GAS2: variants seen among roughly 807,000 people sequenced by gnomAD.
GAS2 encodes the protein growth arrest specific 2, also known as growth arrest-specific protein 2.
A neutral mutation model predicts 37.5 loss-of-function variants in GAS2; 20 were observed. The ratio of observed to expected loss-of-function variants is 0.53; its 90% CI spans 0.37 to 0.77. The LOEUF (loss-of-function observed/expected upper bound fraction) is 0.77. Among genes scored for constraint, GAS2 ranks in the 30% least tolerant of loss-of-function variants. The probability of loss-of-function intolerance (pLI) is 0.00; values close to 1 mark genes in which losing one functional copy is unlikely to be tolerated. For missense variants in GAS2, 336 were observed against 373.4 expected (o/e 0.90, Z 0.82); for synonymous variants, 144 against 132.2 (o/e 1.09, Z -0.61).
At chr11:22,739,628 G>T (rs1473519685) in intron 5 of GAS2, among the ~76,000 whole-genome samples, 1 of 145,848 alleles carries the variant, frequency 6.9e-6, no homozygotes, top group East Asian at 2.0e-4. Flanking sequence ...CAAGGGGTAG[G>T]AAATCAAACT....
intron 2 of GAS2, among the ~76,000 whole-genome samples, chr11:22,677,152 A>G (rs1303321961): frequency 1.3e-5 from 2 of 152,204 alleles, no homozygotes; most frequent in Non-Finnish European, 2.9e-5. Flanking sequence ...ACACTAAAAG[A>G]TACAAGTTGC....
chr11:22,768,003 A>G (rs568581944), intron 7 of GAS2, among the ~76,000 whole-genome samples: 1 of 152,288 alleles, frequency 6.6e-6, no homozygotes, highest in South Asian at 2.1e-4. Context: ...TCCTTCATCT[A>G]AACGGCCAGT....
chr11:22,750,144 G>A (rs1364767979), intron 6 of GAS2, among the ~76,000 whole-genome samples: 1 of 152,066 alleles, frequency 6.6e-6, no homozygotes, highest in African/African-American at 2.4e-5. Context: ...GCATTAGAGT[G>A]ACGTATGTCT....
chr11:22,738,264 T>G (rs1314257170), intron 5 of GAS2, among the ~76,000 whole-genome samples: 1 of 152,224 alleles, frequency 6.6e-6, no homozygotes, highest in East Asian at 1.9e-4. Context: ...ACATTTTTAT[T>G]AGGGAAAGAC....
In GAS2 at chr11:22,811,956, G is replaced by T. The variant is rs1303422974; in HGVS notation, c.882G>T (p.Met294Ile). Reference sequence around the variant, plus strand: ...GCAAATCTCCAACTCTAAAGGACATGAATCCAGATAACTACTTGGTGGTCT... The same window carrying T: ...GCAAATCTCCAACTCTAAAGGACATTAATCCAGATAACTACTTGGTGGTCT... ...IQSKSPTLKD[M>I]NPDNYLVVSA... Residue 294 changes from methionine (M) to isoleucine (I), a missense_variant, in exon 8 of 8, where the codon ATG becomes ATT. Physicochemically the swap from Met to Ile is conservative, Grantham distance 10 (BLOSUM62 1). Coordinates refer to ENST00000454584, the MANE Select transcript of GAS2 (RefSeq NM_001143830.3). The T allele has an allele frequency of 6.2e-7, 1 of 1,614,146 alleles. No homozygotes were observed. Among genetic ancestry groups the T allele is most frequent in the South Asian group, 1.1e-5 (1 of 91,072 alleles).
chr11:22,773,760 T>C (rs1458280740), intron 7 of GAS2, among the ~76,000 whole-genome samples: 1 of 152,108 alleles, frequency 6.6e-6, no homozygotes, highest in Admixed American at 6.5e-5. Context: ...ATTTCTCAGA[T>C]CAGTTTCTTT....
intron 6 of GAS2, among the ~76,000 whole-genome samples, chr11:22,753,211 C>T: frequency 6.6e-6 from 1 of 151,986 alleles, no homozygotes; most frequent in Non-Finnish European, 1.5e-5. Context: ...CTGACTTTTC[C>T]CTAGGTAATG....
chr11:22,709,883 T>C (rs573649307), intron 3 of GAS2, among the ~76,000 whole-genome samples: 35 of 152,000 alleles, frequency 2.3e-4, no homozygotes, highest in Non-Finnish European at 4.1e-4. Flanking sequence ...AAATTGGAAA[T>C]CATCATTCTC....
rs950855892 is a variant in GAS2, at chr11:22,770,712, G to C, written c.723+14759G>C. Reference sequence around the variant, plus strand: ...GCCAACGTAGCCTGTGATTCTCAAAGTATATATGTCTCAAATATCATTTAA... The same window carrying C: ...GCCAACGTAGCCTGTGATTCTCAAACTATATATGTCTCAAATATCATTTAA... On this transcript the variant is annotated intron_variant, in intron 7 of 7. Coordinates refer to ENST00000454584, the MANE Select transcript of GAS2 (RefSeq NM_001143830.3). Among the ~76,000 whole-genome samples the C allele has an allele frequency of 2.0e-5, 3 of 152,164 alleles. No individual in the cohort carries two copies. The South Asian group carries it at 6.2e-4, about 32-fold the overall frequency.
At chr11:22,670,568 T>C (rs889560060) in intron 1 of GAS2, among the ~76,000 whole-genome samples, 20 of 152,186 alleles carry the variant, frequency 1.3e-4, no homozygotes, top group African/African-American at 4.3e-4. Flanking sequence ...GATAGGTCAA[T>C]AGAAGTTTTA....
chr11:22,715,178 G>T (rs1417090887), intron 3 of GAS2, among the ~76,000 whole-genome samples: 1 of 151,986 alleles, frequency 6.6e-6, no homozygotes, highest in Non-Finnish European at 1.5e-5. Flanking sequence ...AACAGGCCAG[G>T]TGCCACAGGT....
intron 3 of GAS2, among the ~76,000 whole-genome samples, chr11:22,709,065 A>T (rs943960490): frequency 3.9e-5 from 6 of 152,180 alleles, no homozygotes; most frequent in African/African-American, 1.4e-4. Flanking sequence ...TGGAAGCCAC[A>T]TCATAGGGAG....
chr11:22,712,511 C>T (rs570126554), intron 3 of GAS2, among the ~76,000 whole-genome samples: 9 of 152,312 alleles, frequency 5.9e-5, no homozygotes, highest in Admixed American at 5.2e-4. Flanking sequence ...GAGAGCACCA[C>T]ATCAAAGGAT....
intron 7 of GAS2, among the ~76,000 whole-genome samples, chr11:22,792,799 G>A (rs1447554145): frequency 6.6e-6 from 1 of 152,202 alleles, no homozygotes; most frequent in African/African-American, 2.4e-5. Flanking sequence ...AATTCTTCTG[G>A]ACTTCATCTT....
chr11:22,720,405 T>C (rs1851891379), intron 3 of GAS2, among the ~76,000 whole-genome samples: 2 of 152,020 alleles, frequency 1.3e-5, no homozygotes, highest in African/African-American at 4.8e-5. Context: ...AAGTTTTTTT[T>C]CCCTTTTTAA....
At chr11:22,653,773 T>C (rs1848824540) in intron 1 of GAS2, among the ~76,000 whole-genome samples, 1 of 152,244 alleles carries the variant, frequency 6.6e-6, no homozygotes, top group Non-Finnish European at 1.5e-5. Context: ...TATTTGACAC[T>C]CCTTGTCTGG....
At chr11:22,664,255 A>C (rs1230282686), upstream of GAS2, among the ~76,000 whole-genome samples, 1 of 152,148 alleles carries the variant, frequency 6.6e-6, no homozygotes, top group Non-Finnish European at 1.5e-5. Flanking sequence ...CACTTTTCAG[A>C]GTGAGTACTA....
At chr11:22,681,003 A>G (rs1849653998) in intron 2 of GAS2, among the ~76,000 whole-genome samples, 1 of 152,238 alleles carries the variant, frequency 6.6e-6, no homozygotes, top group African/African-American at 2.4e-5. Context: ...AAGACTCAAT[A>G]CATGAATACA....
At chr11:22,783,323 T>C (rs1855660998) in intron 7 of GAS2, among the ~76,000 whole-genome samples, 1 of 152,194 alleles carries the variant, frequency 6.6e-6, no homozygotes, top group Admixed American at 6.6e-5. Context: ...TTTAAGTTCT[T>C]TATAGATTCT....
Sources: allele counts gnomAD v4.1 joint callset (sites outside exome capture counted in the v4.1 genomes callset), GRCh38; gene constraint gnomAD v4.1.1; transcripts MANE v1.5; gene names NCBI Gene and HGNC (gene_info 2026-07-23, HGNC 2026-07-21).